PPP1R13B: variants seen among roughly 807,000 people sequenced by gnomAD.
The protein encoded by PPP1R13B is protein phosphatase 1 regulatory subunit 13B.
In PPP1R13B, 44 loss-of-function variants were observed where a neutral mutation model predicts 119.8. That is an observed-to-expected ratio of 0.37 (90% CI 0.29 to 0.47). The LOEUF is 0.47. Among genes scored for constraint, PPP1R13B ranks in the 20% least tolerant of loss-of-function variants. The pLI is 0.99. For synonymous variants in PPP1R13B, 542 were observed against 561.5 expected (o/e 0.97, Z 0.49); for missense variants, 1,227 against 1,413.5 (o/e 0.87, Z 2.12).
intron 5 of PPP1R13B, among the ~76,000 whole-genome samples, chr14:103,755,261 C>T (rs1323124450): frequency 6.6e-6 from 1 of 152,098 alleles, no homozygotes; most frequent in Non-Finnish European, 1.5e-5. Flanking sequence ...AAAGTGGCTT[C>T]CAAGAATCTA....
intron 15 of PPP1R13B, chr14:103,736,569 A>G (rs976694911): frequency 7.5e-6 from 2 of 265,658 alleles, no homozygotes. Context: ...GGTAATGAAC[A>G]AACTACACAC....
intron 1 of PPP1R13B, among the ~76,000 whole-genome samples, chr14:103,797,959 C>T (rs919529115): frequency 1.3e-5 from 2 of 151,934 alleles, no homozygotes; most frequent in Non-Finnish European, 2.9e-5. Flanking sequence ...TACCATATAT[C>T]GTACACTAGC....
chr14:103,790,118 C>T (rs1217451814), intron 2 of PPP1R13B, among the ~76,000 whole-genome samples: 5 of 151,670 alleles, frequency 3.3e-5, no homozygotes, highest in Non-Finnish European at 5.9e-5. Flanking sequence ...TGGTGGCGGG[C>T]GCCTATAATC....
chr14:103,762,433 C>CA (rs2084828745), intron 4 of PPP1R13B, among the ~76,000 whole-genome samples: 1 of 121,142 alleles, frequency 8.3e-6, no homozygotes, highest in South Asian at 2.6e-4. Context: ...GAACATCTCA[C>CA]ATCGGGGTCT....
At chr14:103,829,791 T>C (rs1302661900) in intron 1 of PPP1R13B, among the ~76,000 whole-genome samples, 2 of 152,114 alleles carry the variant, frequency 1.3e-5, no homozygotes, top group Non-Finnish European at 2.9e-5. Flanking sequence ...TTTTACTATT[T>C]TTTTTTTAAA....
intron 2 of PPP1R13B, among the ~76,000 whole-genome samples, chr14:103,790,992 A>G (rs1462630052): frequency 6.6e-6 from 1 of 152,222 alleles, no homozygotes; most frequent in Non-Finnish European, 1.5e-5. Flanking sequence ...GAGCTACACA[A>G]TCTAAGCACA....
At chr14:103,820,187 G>C (rs940886650) in intron 1 of PPP1R13B, among the ~76,000 whole-genome samples, 1 of 152,124 alleles carries the variant, frequency 6.6e-6, no homozygotes, top group Non-Finnish European at 1.5e-5. Context: ...ATCCTATTAC[G>C]GACAACGCCC....
At chr14:103,829,147 G>A (rs2086613617) in intron 1 of PPP1R13B, among the ~76,000 whole-genome samples, 1 of 152,104 alleles carries the variant, frequency 6.6e-6, no homozygotes, top group Non-Finnish European at 1.5e-5. Context: ...TTAATTAAAT[G>A]CTGATAAAAA....
intron 1 of PPP1R13B, among the ~76,000 whole-genome samples, chr14:103,798,152 CTTTT>C (rs768163941): frequency 2.6e-4 from 33 of 129,166 alleles, no homozygotes; most frequent in Non-Finnish European, 4.1e-4. Flanking sequence ...ATAATAATCT[CTTTT>C]TTTTTTTTTT....
At chr14:103,768,201 G>GC (rs548958714) in intron 4 of PPP1R13B, among the ~76,000 whole-genome samples, 19 of 148,694 alleles carry the variant, frequency 1.3e-4, no homozygotes, top group Non-Finnish European at 2.1e-4. Flanking sequence ...TGCAACCTCC[G>GC]CCCCCCGGGG....
At chr14:103,781,784 TG>T (rs984559141) in intron 3 of PPP1R13B, among the ~76,000 whole-genome samples, 1 of 152,146 alleles carries the variant, frequency 6.6e-6, no homozygotes, top group African/African-American at 2.4e-5. Context: ...CCTGAGTAGC[TG>T]GGACTACAGG....
intron 4 of PPP1R13B, among the ~76,000 whole-genome samples, chr14:103,767,690 C>G (rs1051045130): frequency 1.3e-5 from 2 of 152,032 alleles, no homozygotes; most frequent in Non-Finnish European, 2.9e-5. Flanking sequence ...TCCTCCCTCT[C>G]CGTGTCCCCT....
Position 103,734,266 on chromosome 14 carries a change from A to C in PPP1R13B, c.*888T>G, listed in dbSNP as rs1265395293. 6.6e-6 allele frequency: 2 copies of C among 305,194 alleles called. No individual in the cohort carries two copies. Among genetic ancestry groups the C allele is most frequent in the Non-Finnish European group, 1.3e-5 (2 of 151,612 alleles). 18.9% of individuals were successfully genotyped at this position (305,194 alleles called of 1,614,324 possible). On this transcript the variant is annotated 3_prime_UTR_variant, in exon 17 of 17. Transcript: ENST00000202556. ...TGACACCAGGCGTCTGCCATCCTTC[A>C]GGCACCAAACAGCCCCGTCTACCTG... is the stretch of plus-strand genomic sequence containing the variant.
intron 1 of PPP1R13B, among the ~76,000 whole-genome samples, chr14:103,831,356 C>T (rs1595836842): frequency 6.7e-6 from 1 of 149,250 alleles, no homozygotes; most frequent in South Asian, 2.1e-4. Context: ...GTCACCCAGG[C>T]TGGAGTGCAG....
intron 4 of PPP1R13B, 134 bp from the exon 5 acceptor site, chr14:103,757,885 T>C (rs2084715546): frequency 3.5e-6 from 2 of 572,510 alleles, no homozygotes; most frequent in Admixed American, 7.3e-5. Context: ...GTTTATTTTC[T>C]TGTAAGAACT....
At chr14:103,783,526 A>G (rs947517018) in intron 3 of PPP1R13B, among the ~76,000 whole-genome samples, 2 of 152,050 alleles carry the variant, frequency 1.3e-5, no homozygotes, top group Admixed American at 6.6e-5. Context: ...TGCTGGGATT[A>G]TAGGCGTGAG....
At chr14:103,825,022 G>A (rs938015400) in intron 1 of PPP1R13B, among the ~76,000 whole-genome samples, 7 of 152,136 alleles carry the variant, frequency 4.6e-5, no homozygotes, top group African/African-American at 1.4e-4. Context: ...CCAACAGCAT[G>A]TGCTCACCCA....
At chr14:103,775,873 G>GA (rs766368795) in intron 4 of PPP1R13B, among the ~76,000 whole-genome samples, 58 of 152,166 alleles carry the variant, frequency 3.8e-4, no homozygotes, top group Non-Finnish European at 7.4e-4. Context: ...TGAAGAGGGA[G>GA]AATCTATAAT....
In PPP1R13B at chr14:103,736,046, C is replaced by G. The variant is rs371159743; in HGVS notation, c.3188G>C (p.Arg1063Pro). 1 of 1,614,196 alleles carries G rather than the reference C, an allele frequency of 6.2e-7. No homozygotes were observed. Residue 1063 changes from arginine (R) to proline (P), a missense_variant, in exon 16 of 17, where the codon CGC (arginine) becomes CCC (proline). Transcript: ENST00000202556. ...DESETEWWWA[R>P]LGDREGYVPK... ...CACATAGCCCTCCCGGTCTCCAAGG[C>G]GAGCCCACCACCACTCAGTCTCGCT...
Sources: allele counts gnomAD v4.1 joint callset (sites outside exome capture counted in the v4.1 genomes callset), GRCh38; gene constraint gnomAD v4.1.1; transcripts MANE v1.5; gene names NCBI Gene and HGNC (gene_info 2026-07-23, HGNC 2026-07-21).